GALNT16: variants seen among roughly 807,000 people sequenced by gnomAD.
GALNT16 encodes the protein UDP-GalNAc:polypeptide N-acetylgalactosaminyltransferase-like protein 1.
GALNT16 carries 40 observed loss-of-function variants against 76.1 expected under a neutral mutation model. The ratio of observed to expected loss-of-function variants is 0.53; its 90% confidence interval spans 0.41 to 0.68. GALNT16 has a LOEUF of 0.68. GALNT16 is among the 30% of genes least tolerant of loss of function. GALNT16 has a pLI of 0.00. For synonymous variants in GALNT16, 276 were observed against 285.2 expected (o/e 0.97, Z 0.32); for missense variants, 621 against 731.9 (o/e 0.85, Z 1.75).
At chr14:69,305,217 G>A (rs1024072900) in intron 1 of GALNT16, among the ~76,000 whole-genome samples, 1 of 149,228 alleles carries the variant, frequency 6.7e-6, no homozygotes, top group Admixed American at 6.7e-5. Flanking sequence ...TGCCCAGGCT[G>A]GGGTAGTGTG....
chr14:69,293,851 G>T lies in GALNT16; in HGVS notation c.178-26860G>T, dbSNP rs894828754. 3.3e-5 allele frequency among the ~76,000 whole-genome samples: 5 copies of T among 152,070 alleles called. No individual in the cohort carries two copies. The East Asian group carries it at 9.6e-4, about 29-fold the overall frequency. On this transcript the variant is annotated intron_variant, in intron 1 of 14. Transcript: ENST00000448469. ...GAAGATAAAGGAGCAGCTACACTGGGACAGTTGGCATTTTCACCCAATGAG... is the reference window on the plus strand; with the variant it reads ...GAAGATAAAGGAGCAGCTACACTGGTACAGTTGGCATTTTCACCCAATGAG...
At chr14:69,367,968 G>A in the GALNT16 span, among the ~76,000 whole-genome samples, 1 of 152,060 alleles carries the variant, frequency 6.6e-6, no homozygotes, top group Non-Finnish European at 1.5e-5. Flanking sequence ...TCCATCCTGG[G>A]CAACAGAACG....
chr14:69,333,051 C>G lies in GALNT16; in HGVS notation c.779-34C>G. The G allele has an allele frequency of 8.6e-6, 13 of 1,511,830 alleles. No individual in the cohort carries two copies. Among genetic ancestry groups the G allele is most frequent in the Non-Finnish European group, 1.2e-5 (13 of 1,086,584 alleles). 93.7% of individuals were successfully genotyped at this position (1,511,830 alleles called of 1,614,324 possible). On this transcript the variant is annotated intron_variant, in intron 7 of 14. Coordinates refer to ENST00000448469, the MANE Select transcript of GALNT16 (RefSeq NM_001168368.2). The surrounding 1 kb of genome is among the most constrained non-coding windows in gnomAD (Gnocchi z 4.2). ...GGTCTCAGCAGCCCGCAGCTCTGCC[C>G]TGAGCTCTGTCCTCACCTTGCTGTG...
the GALNT16 span, among the ~76,000 whole-genome samples, chr14:69,380,982 A>G: frequency 6.6e-6 from 1 of 152,248 alleles, no homozygotes; most frequent in East Asian, 1.9e-4. Context: ...AGTGATTAAA[A>G]AACAACAACA....
At chr14:69,290,775 G>A (rs2044678474) in intron 1 of GALNT16, among the ~76,000 whole-genome samples, 1 of 152,156 alleles carries the variant, frequency 6.6e-6, no homozygotes, top group South Asian at 2.1e-4. Context: ...TGAGTGTGGC[G>A]AATGGAAATG....
intron 14 of GALNT16, chr14:69,349,705 C>A (rs1433896495): frequency 1.3e-5 from 2 of 152,240 alleles, no homozygotes; most frequent in African/African-American, 4.8e-5. Context: ...GGGGCTCCCT[C>A]CCCTGCTTAC....
chr14:69,284,813 T>C (rs7141942), intron 1 of GALNT16, among the ~76,000 whole-genome samples: 65,378 of 151,726 alleles, frequency 0.43, 14,628 homozygotes, highest in East Asian at 0.62. Flanking sequence ...GGTGGTGGTT[T>C]CCCCATGCTG....
intron 12 of GALNT16, among the ~76,000 whole-genome samples, chr14:69,345,852 C>A (rs189587692): frequency 6.6e-6 from 1 of 152,022 alleles, no homozygotes; most frequent in Non-Finnish European, 1.5e-5. Flanking sequence ...TCCATACTAG[C>A]AAGTATCATT....
intron 6 of GALNT16, 69 bp downstream of exon 6, chr14:69,328,640 C>G: frequency 6.6e-7 from 1 of 1,519,180 alleles, no homozygotes; most frequent in Non-Finnish European, 8.9e-7. Context: ...GCACCGAGGC[C>G]TATGGGACAG....
intron 1 of GALNT16, among the ~76,000 whole-genome samples, chr14:69,293,012 G>C (rs190643080): frequency 1.3e-5 from 2 of 152,318 alleles, no homozygotes; most frequent in Admixed American, 1.3e-4. Context: ...CCCTCAATAT[G>C]TGCCATGACC....
At chr14:69,285,037 ACT>A (rs1566864593) in intron 1 of GALNT16, among the ~76,000 whole-genome samples, 1 of 101,512 alleles carries the variant, frequency 9.9e-6, no homozygotes. Context: ...AGTCTCGGGC[ACT>A]CTTTTTTTTT....
At chr14:69,269,112 AGTGT>A (rs2140101540) in intron 1 of GALNT16, among the ~76,000 whole-genome samples, 1 of 152,294 alleles carries the variant, frequency 6.6e-6, no homozygotes, top group African/African-American at 2.4e-5. Flanking sequence ...TTTAGTTGTT[AGTGT>A]TGGTTCTTTT....
the GALNT16 span, among the ~76,000 whole-genome samples, chr14:69,368,499 C>A: frequency 6.6e-6 from 1 of 152,188 alleles, no homozygotes; most frequent in Non-Finnish European, 1.5e-5. Flanking sequence ...ACCCTTGGAA[C>A]CAACAGTCTC....
At chr14:69,300,579 T>G (rs994033635) in intron 1 of GALNT16, among the ~76,000 whole-genome samples, 2 of 152,252 alleles carry the variant, frequency 1.3e-5, no homozygotes, top group African/African-American at 2.4e-5. Flanking sequence ...TTGAGTCATC[T>G]GCAGAATCTT....
At chr14:69,300,169 ACCCCTCTGTGT>A (rs1408736000) in intron 1 of GALNT16, among the ~76,000 whole-genome samples, 2 of 152,152 alleles carry the variant, frequency 1.3e-5, no homozygotes, top group Non-Finnish European at 1.5e-5. Context: ...CACTGGGTGA[ACCCCTCTGTGT>A]CCCCTTGAAG....
intron 1 of GALNT16, among the ~76,000 whole-genome samples, chr14:69,264,815 C>CTTTTTTTTTTTT (rs1436985515): frequency 4.4e-5 from 2 of 44,958 alleles, no homozygotes; most frequent in Non-Finnish European, 6.9e-5. Context: ...TTTTCTTTTT[C>CTTTTTTTTTTTT]TTTCTTTTTT....
chr14:69,313,682 G>A (rs1181047324), intron 1 of GALNT16, among the ~76,000 whole-genome samples: 1 of 152,228 alleles, frequency 6.6e-6, no homozygotes, highest in African/African-American at 2.4e-5. Flanking sequence ...GAGGCCTTAG[G>A]TGGGTTTCCC....
intron 1 of GALNT16, among the ~76,000 whole-genome samples, chr14:69,284,037 T>A (rs2044577786): frequency 6.6e-6 from 1 of 152,172 alleles, no homozygotes; most frequent in East Asian, 1.9e-4. Context: ...TCCTTACCCA[T>A]CCTGATTTGG....
chr14:69,372,600 A>G, the GALNT16 span, among the ~76,000 whole-genome samples: 2 of 147,798 alleles, frequency 1.4e-5, no homozygotes, highest in Non-Finnish European at 3.0e-5. Context: ...GGTTCAAGAG[A>G]TTCTTCTGCC....
Sources: gnomAD v4.1 joint callset for allele counts (sites outside exome capture counted in the v4.1 genomes callset) on GRCh38, gnomAD v4.1.1 for gene constraint, Gnocchi (gnomAD v3.1) non-coding constraint, MANE v1.5 for transcripts, NCBI Gene and HGNC (gene_info 2026-07-23, HGNC 2026-07-21) for gene names.